GLCE: variants seen among roughly 807,000 people sequenced by gnomAD.
The protein encoded by GLCE is D-glucuronyl C5-epimerase.
GLCE carries 19 observed loss-of-function variants against 47.9 expected under a neutral mutation model. The ratio of observed to expected loss-of-function variants is 0.40; its 90% CI spans 0.28 to 0.58. The LOEUF is 0.58. Ranked by LOEUF, GLCE falls within the 20% of genes least tolerant of loss-of-function variation. GLCE has a pLI of 0.48. For synonymous variants in GLCE, 245 were observed against 263.4 expected (o/e 0.93, Z 0.68); for missense variants, 556 against 743.3 (o/e 0.75, Z 2.93).
At chr15:69,260,263 T>G (rs1034792939) in intron 3 of GLCE, among the ~76,000 whole-genome samples, 1 of 143,506 alleles carries the variant, frequency 7.0e-6, no homozygotes, top group Non-Finnish European at 1.5e-5. Context: ...TTTTTTTTTT[T>G]TTTTTTTTTT....
chr15:69,269,057 C>T lies in GLCE; in HGVS notation c.1667C>T (p.Ser556Leu). Residue 556 changes from serine to leucine, a missense_variant, in exon 5 of 5, where the codon TCA becomes TTA. Physicochemically the swap from Ser to Leu is moderately radical, Grantham distance 145 (BLOSUM62 -2). Coordinates refer to ENST00000261858, the MANE Select transcript of GLCE (RefSeq NM_015554.3). ...ATGCTGCCCTTGTATGACACTGGCTCAGGAACCATCTATGACCTCCGTCAC... is the reference window on the plus strand; with the variant it reads ...ATGCTGCCCTTGTATGACACTGGCTTAGGAACCATCTATGACCTCCGTCAC... ...KAMLPLYDTGSGTIYDLRHFM... is the reference protein window; with the variant it reads ...KAMLPLYDTGLGTIYDLRHFM... The T allele has an allele frequency of 6.2e-7, 1 of 1,614,190 alleles. No homozygotes were observed. The highest frequency in any genetic ancestry group is 8.5e-7 in the Non-Finnish European group (1 of 1,180,028).
chr15:69,222,217 T>C (rs1423986681), intron 2 of GLCE, among the ~76,000 whole-genome samples: 2 of 152,214 alleles, frequency 1.3e-5, no homozygotes, highest in Admixed American at 1.3e-4. Context: ...ACTCCCAGAC[T>C]GCTGACAACA....
chr15:69,180,783 CTT>C (rs2051738300), intron 1 of GLCE, among the ~76,000 whole-genome samples: 2 of 152,146 alleles, frequency 1.3e-5, no homozygotes, highest in African/African-American at 4.8e-5. Context: ...ATTTTAAGGA[CTT>C]CAGCTTTTAG....
rs75502608 is a variant in GLCE at position 69,250,665 on chromosome 15, G to A, written c.-13-5129G>A. The stretch of plus-strand genomic sequence containing the variant: ...GGCAACTTGGTGGTTCTCTACTCCC[G>A]GGAGGTCATCATACTGATGGCAAAC... On this transcript the variant is annotated intron_variant, in intron 2 of 4. Transcript: ENST00000261858. Among the ~76,000 whole-genome samples the A allele has an allele frequency of 6.4e-3, 964 of 151,744 alleles. 10 individuals carry two copies. Among genetic ancestry groups the A allele is most frequent in the African/African-American group, 0.022 (921 of 41,354 alleles).
intron 1 of GLCE, among the ~76,000 whole-genome samples, chr15:69,186,134 T>G (rs2051820033): frequency 6.6e-6 from 1 of 152,164 alleles, no homozygotes; most frequent in Non-Finnish European, 1.5e-5. Context: ...TGTTCAGCTA[T>G]CCAGAAGCTC....
At chr15:69,219,065 A>G (rs1195159799) in intron 2 of GLCE, among the ~76,000 whole-genome samples, 3 of 152,148 alleles carry the variant, frequency 2.0e-5, no homozygotes. Context: ...TCTTAATGGT[A>G]TTGATAGTAA....
intron 1 of GLCE, among the ~76,000 whole-genome samples, chr15:69,190,207 A>G (rs1038532011): frequency 7.2e-5 from 11 of 152,156 alleles, no homozygotes; most frequent in African/African-American, 2.7e-4. Flanking sequence ...TTTATGGCTC[A>G]GAATATAGTC....
chr15:69,257,403 G>A (rs1203535339), intron 3 of GLCE, among the ~76,000 whole-genome samples: 1 of 152,080 alleles, frequency 6.6e-6, no homozygotes, highest in African/African-American at 2.4e-5. Context: ...CAGTGATACT[G>A]TCATGGCTTA....
At chr15:69,221,369 A>G (rs535837378) in intron 2 of GLCE, among the ~76,000 whole-genome samples, 4 of 152,238 alleles carry the variant, frequency 2.6e-5, no homozygotes, top group South Asian at 2.1e-4. Context: ...ATGTCTTCCA[A>G]TCCATGAACA....
rs914123074 is a variant in GLCE, at chr15:69,229,704, A to G, written c.-14+19298A>G. Among the ~76,000 whole-genome samples, 4 of 152,076 alleles carry G rather than the reference A, an allele frequency of 2.6e-5. No homozygotes were observed. The East Asian group carries it at 7.7e-4, about 29-fold the overall frequency. ...GAATTATGAAAATTACTTACCCAACAATGACAAAAAGAAAAAAAAATGACA... is the reference window on the plus strand; with the variant it reads ...GAATTATGAAAATTACTTACCCAACGATGACAAAAAGAAAAAAAAATGACA... On this transcript the variant is annotated intron_variant, in intron 2 of 4. Coordinates refer to ENST00000261858, the MANE Select transcript of GLCE (RefSeq NM_015554.3).
At chr15:69,239,965 G>A (rs186966411) in intron 2 of GLCE, among the ~76,000 whole-genome samples, 145 of 152,264 alleles carry the variant, frequency 9.5e-4, no homozygotes, top group Admixed American at 2.5e-3. Flanking sequence ...ATCAGTGATT[G>A]CTAAAAGTAA....
intron 1 of GLCE, among the ~76,000 whole-genome samples, chr15:69,193,488 CT>C (rs927584912): frequency 2.0e-4 from 31 of 152,148 alleles, no homozygotes; most frequent in African/African-American, 5.5e-4. Context: ...CAAGCCTTTA[CT>C]TTTTTCTTAT....
Position 69,241,153 on chromosome 15 carries a change from A to C in GLCE, c.-13-14641A>C, listed in dbSNP as rs985956420. Among the ~76,000 whole-genome samples the C allele has an allele frequency of 2.0e-5, 3 of 152,186 alleles. No homozygotes were observed. In the South Asian group the frequency reaches 6.2e-4, roughly 31 times the overall value. Reference sequence around the variant, plus strand: ...ATACAAGTTGTTCACAAGGAAAGAAAAGATGGACTAGCTTTAGATTGATTG... The same window carrying C: ...ATACAAGTTGTTCACAAGGAAAGAACAGATGGACTAGCTTTAGATTGATTG... On this transcript the variant is annotated intron_variant, in intron 2 of 4. Transcript: ENST00000261858.
intron 1 of GLCE, among the ~76,000 whole-genome samples, chr15:69,184,564 A>G (rs2051796117): frequency 6.6e-6 from 1 of 152,240 alleles, no homozygotes; most frequent in African/African-American, 2.4e-5. Context: ...CATGTATTAT[A>G]TCACTAATAT....
chr15:69,254,263 A>G (rs1417283273), intron 2 of GLCE, among the ~76,000 whole-genome samples: 1 of 152,194 alleles, frequency 6.6e-6, no homozygotes, highest in Non-Finnish European at 1.5e-5. Context: ...ATAACTATCC[A>G]TAATTTCCCA....
intron 1 of GLCE, among the ~76,000 whole-genome samples, chr15:69,192,719 A>G (rs771829768): frequency 3.9e-5 from 6 of 151,996 alleles, no homozygotes; most frequent in Non-Finnish European, 7.4e-5. Context: ...GATCCTTTCA[A>G]AGCTTATTTT....
intron 1 of GLCE, among the ~76,000 whole-genome samples, chr15:69,170,443 A>G (rs1404846629): frequency 1.3e-5 from 2 of 152,196 alleles, no homozygotes; most frequent in South Asian, 4.1e-4. Flanking sequence ...TCCCAGAGGC[A>G]GCCATTGTTA....
intron 1 of GLCE, among the ~76,000 whole-genome samples, chr15:69,199,623 T>A (rs74342812): frequency 0.012 from 1,758 of 152,258 alleles, 26 homozygotes; most frequent in African/African-American, 0.038. Context: ...ATTTTTATAG[T>A]TGAGGAAATG....
At chr15:69,244,838 C>A (rs1158430058) in intron 2 of GLCE, among the ~76,000 whole-genome samples, 1 of 152,104 alleles carries the variant, frequency 6.6e-6, no homozygotes, top group East Asian at 1.9e-4. Context: ...ATGCCTTAGT[C>A]TTTTCATCTA....
Sources: allele counts gnomAD v4.1 joint callset (sites outside exome capture counted in the v4.1 genomes callset), GRCh38; gene constraint gnomAD v4.1.1; transcripts MANE v1.5; gene names NCBI Gene and HGNC (gene_info 2026-07-23, HGNC 2026-07-21).